The following CEACAM19 variants were observed in gnomAD, a reference collection of about 807,000 sequenced individuals.
The protein encoded by CEACAM19 is CEA cell adhesion molecule 19.
CEACAM19 carries 37 observed loss-of-function variants against 37.6 expected under a neutral mutation model. The observed-to-expected ratio is 0.98, with a 90% CI of 0.76 to 1.29. The LOEUF is 1.29. Among genes scored for constraint, CEACAM19 ranks in the 50% most tolerant of loss-of-function variants. The probability of loss-of-function intolerance (pLI) is 0.00; values close to 1 mark genes in which losing one functional copy is unlikely to be tolerated. For missense variants in CEACAM19, 340 were observed against 375.6 expected, an observed-to-expected ratio of 0.91 and a Z score of 0.78; for synonymous variants, 140 against 149.8, an observed-to-expected ratio of 0.93 and a Z score of 0.48.
At chr19:44,669,959 CCAA>C (rs1973827991), upstream of CEACAM19, among the ~76,000 whole-genome samples, 1 of 152,118 alleles carries the variant, frequency 6.6e-6, no homozygotes, top group African/African-American at 2.4e-5. Flanking sequence ...CACTGTGTCA[CCAA>C]CATCACCCAG....
At chr19:44,681,626 G>A (rs1203691170) in intron 6 of CEACAM19, among the ~76,000 whole-genome samples, 3 of 152,068 alleles carry the variant, frequency 2.0e-5, no homozygotes, top group Non-Finnish European at 4.4e-5. Flanking sequence ...ATAACGAAAG[G>A]TTTATAAAAA....
At chr19:44,679,760 TTAAAA>T (rs1206103063) in intron 4 of CEACAM19, among the ~76,000 whole-genome samples, 3 of 90,250 alleles carry the variant, frequency 3.3e-5, no homozygotes, top group Non-Finnish European at 4.8e-5. Flanking sequence ...AAAAAAAAAA[TTAAAA>T]TAAAATAAAA....
chr19:44,678,758 C>A, intron 3 of CEACAM19, 95 bp from the exon 4 acceptor site: 1 of 1,525,304 alleles, frequency 6.6e-7, no homozygotes, highest in Non-Finnish European at 8.9e-7. Flanking sequence ...CCCCCTCCCC[C>A]CTCTCCATTT....
At chr19:44,682,809 C>G in intron 7 of CEACAM19, 189 bp downstream of exon 7, 1 of 555,022 alleles carries the variant, frequency 1.8e-6, no homozygotes, top group Non-Finnish European at 3.2e-6. Context: ...GTCCCTTTTC[C>G]TCCCAAGGCT....
At chr19:44,682,820 G>A in intron 7 of CEACAM19, 200 bp downstream of exon 7, 1 of 539,232 alleles carries the variant, frequency 1.9e-6, no homozygotes, top group Non-Finnish European at 3.3e-6. Context: ...TCCCAAGGCT[G>A]CAATTTCCTT....
chr19:44,667,815 A>C (rs1383516062), upstream of CEACAM19, among the ~76,000 whole-genome samples: 1 of 68,496 alleles, frequency 1.5e-5, no homozygotes, highest in African/African-American at 5.8e-5. Context: ...TTTATATATT[A>C]TATATAAATT....
rs575278182 is a variant in CEACAM19, at chr19:44,675,197, C to T, written c.425-1074C>T. Among the ~76,000 whole-genome samples, 133 of 151,546 alleles carry T rather than the reference C, an allele frequency of 8.8e-4. 1 individual carries two copies. The highest frequency in any genetic ancestry group is 1.4e-3 in the Non-Finnish European group (95 of 67,960). ...ATTCATATTATCCTCATTTCACAGACGAACCAAGTCACAGAGAGATTGAGT... is the reference window on the plus strand; with the variant it reads ...ATTCATATTATCCTCATTTCACAGATGAACCAAGTCACAGAGAGATTGAGT... On this transcript the variant is annotated intron_variant, in intron 2 of 7. Coordinates refer to ENST00000358777, the MANE Select transcript of CEACAM19 (RefSeq NM_001127893.3).
At chr19:44,670,573 G>T (rs143547373), upstream of CEACAM19, among the ~76,000 whole-genome samples, 8 of 151,706 alleles carry the variant, frequency 5.3e-5, no homozygotes, top group East Asian at 1.6e-3. Context: ...TACTCAGAAG[G>T]CTGAGGCAGA....
chr19:44,668,601 AT>A (rs1973798179), upstream of CEACAM19, among the ~76,000 whole-genome samples: 2 of 25,168 alleles, frequency 7.9e-5, no homozygotes, highest in Non-Finnish European at 6.6e-5. Context: ...ATATACACAT[AT>A]TATATATGTA....
Position 44,678,838 on chromosome 19 carries a change from C to G in CEACAM19, c.576-15C>G, listed in dbSNP as rs757422349. On this transcript the variant is annotated splice_polypyrimidine_tract_variant and intron_variant, in intron 3 of 7. Transcript: ENST00000358777. ...TGCTTTATTCCAATTTTCTTCCCCT[C>G]TCTTTCCACCCTAGACTGCCTGCTC... 14 of 1,612,322 alleles carry G rather than the reference C, an allele frequency of 8.7e-6. No individual in the cohort carries two copies. In the African/African-American group the frequency reaches 1.6e-4, roughly 18 times the overall value.
At position 44,682,551 on chromosome 19, in the gene CEACAM19, T is replaced by C. The variant is rs767220696; in HGVS notation, c.793-16T>C. On this transcript the variant is annotated splice_polypyrimidine_tract_variant and intron_variant, in intron 6 of 7. Transcript: ENST00000358777. ...GGGGTGCCGAGCGCCCACTCACCCG[T>C]GTCCTTCCCTTGCAGCCCCTGCCCA... The C allele has an allele frequency of 5.7e-6, 9 of 1,592,180 alleles. No individual in the cohort carries two copies. The East Asian group carries it at 1.4e-4, about 24-fold the overall frequency.
At chr19:44,668,403 GTTTATATATTATATATATAAT>G (rs1973783773), upstream of CEACAM19, among the ~76,000 whole-genome samples, 1 of 5,714 alleles carries the variant, frequency 1.8e-4, no homozygotes, top group Non-Finnish European at 4.0e-4. Flanking sequence ...TATATAATAT[GTTTATATATTATATATATAAT>G]ATATTTATAT....
At position 44,672,684 on chromosome 19, in the gene CEACAM19, C is replaced by T. The variant is rs371636665; in HGVS notation, c.144C>T (p.Asp48=). 4 of 1,559,240 alleles carry T rather than the reference C, an allele frequency of 2.6e-6. No homozygotes were observed. The highest frequency in any genetic ancestry group is 1.9e-5 in the Admixed American group (1 of 52,106). Reference sequence around the variant, plus strand: ...CAGAGCAGCCTCAAAAGAACCAGGACCTTCTCCTGTCAGTCCAGGGTGTCC... The same window carrying T: ...CAGAGCAGCCTCAAAAGAACCAGGATCTTCTCCTGTCAGTCCAGGGTGTCC... ...KIPEQPQKNQ[D]LLLSVQGVPD... The change falls in exon 2 of 8, where the codon GAC becomes GAT. Residue 48 remains aspartate, a synonymous_variant. Coordinates refer to ENST00000358777, the MANE Select transcript of CEACAM19 (RefSeq NM_001127893.3).
chr19:44,680,111 C>T (rs1485125965), intron 4 of CEACAM19, among the ~76,000 whole-genome samples, 177 bp from the exon 5 acceptor site: 2 of 151,958 alleles, frequency 1.3e-5, no homozygotes, highest in Non-Finnish European at 2.9e-5. Context: ...TGAGGGATTG[C>T]GGATGAGGAT....
chr19:44,677,934 C>A (rs182916323), intron 3 of CEACAM19: 1 of 152,314 alleles, frequency 6.6e-6, no homozygotes, highest in Admixed American at 6.5e-5. Flanking sequence ...CCTCGGCCTC[C>A]CAAAGTGCTG....
chr19:44,668,695 A>ATATAT (rs1318300159), upstream of CEACAM19, among the ~76,000 whole-genome samples: 2 of 89,114 alleles, frequency 2.2e-5, no homozygotes, highest in African/African-American at 1.2e-4. Flanking sequence ...ATAATATATT[A>ATATAT]TATATTATAT....
At chr19:44,679,410 A>G (rs139089691) in intron 4 of CEACAM19, among the ~76,000 whole-genome samples, 2,832 of 152,070 alleles carry the variant, frequency 0.019, 82 homozygotes, top group African/African-American at 0.066. Flanking sequence ...TTCGAGACCA[A>G]CCTGATGAAC....
intron 2 of CEACAM19, among the ~76,000 whole-genome samples, chr19:44,675,504 G>C (rs1448493255): frequency 1.3e-5 from 2 of 152,080 alleles, no homozygotes; most frequent in Non-Finnish European, 2.9e-5. Context: ...AAGCAGATTG[G>C]GTCTGGGCTC....
chr19:44,671,933 T>TG lies in CEACAM19; in HGVS notation c.4dup (p.Glu2?). The TG allele has an allele frequency of 6.2e-7, 1 of 1,605,176 alleles. No homozygotes were observed. The highest frequency in any genetic ancestry group is 2.2e-5 in the East Asian group (1 of 44,810). On this transcript the variant is annotated frameshift_variant and start_lost, in exon 1 of 8. Transcript: ENST00000358777. LOFTEE classifies it high-confidence loss of function. ...TTGGCATTTCCACAAGACGCCAAGA[T>TG]GGAGATTCCCATGGGGACCCAGGGC...
Sources: allele counts gnomAD v4.1 joint callset (sites outside exome capture counted in the v4.1 genomes callset), GRCh38; gene constraint gnomAD v4.1.1; transcripts MANE v1.5; gene names NCBI Gene and HGNC (gene_info 2026-07-23, HGNC 2026-07-21).